Variants in REEP5 observed in about 807,000 individuals in gnomAD.
REEP5 encodes the protein receptor accessory protein 5, also known as receptor expression-enhancing protein 5.
Under a neutral mutation model 22.4 loss-of-function variants are expected in REEP5, and 24 were observed. The ratio of observed to expected loss-of-function variants is 1.07; its 90% CI spans 0.78 to 1.51. The LOEUF is 1.51. Ranked by LOEUF, REEP5 falls within the 40% of genes most tolerant of loss-of-function variation. The pLI, the probability that REEP5 is intolerant of heterozygous loss-of-function variation, is 0.00. For synonymous variants in REEP5, 103 were observed against 88.6 expected, an observed-to-expected ratio of 1.16 and a Z score of -0.92; for missense variants, 252 against 233.0, an observed-to-expected ratio of 1.08 and a Z score of -0.53.
chr5:112,881,546 T>C (rs953487436), intron 4 of REEP5, among the ~76,000 whole-genome samples: 2 of 152,208 alleles, frequency 1.3e-5, no homozygotes, highest in Non-Finnish European at 2.9e-5. Context: ...AGGACACTGC[T>C]TTCTCAAGTG....
intron 3 of REEP5, chr5:112,897,215 T>C (rs929457147): frequency 2.0e-5 from 3 of 152,158 alleles, no homozygotes; most frequent in Admixed American, 2.0e-4. Flanking sequence ...TACATATATA[T>C]ATACACATAC....
chr5:112,906,716 A>G (rs1319933348), intron 2 of REEP5, among the ~76,000 whole-genome samples: 1 of 152,142 alleles, frequency 6.6e-6, no homozygotes, highest in East Asian at 1.9e-4. Context: ...AAAAATATAC[A>G]CGCCTGGGTC....
intron 3 of REEP5, 91 bp from the exon 4 acceptor site, chr5:112,887,274 G>C: frequency 1.7e-6 from 2 of 1,202,902 alleles, no homozygotes; most frequent in Admixed American, 5.9e-5. Context: ...CTGGGGATGG[G>C]AGATGCCTCT....
chr5:112,909,106 C>T (rs1396160575), intron 2 of REEP5, among the ~76,000 whole-genome samples: 1 of 151,458 alleles, frequency 6.6e-6, no homozygotes, highest in Non-Finnish European at 1.5e-5. Flanking sequence ...CATTTCTTCT[C>T]AGTGCTTTTC....
At chr5:112,886,121 T>C (rs939352893) in intron 4 of REEP5, among the ~76,000 whole-genome samples, 4 of 152,222 alleles carry the variant, frequency 2.6e-5, no homozygotes, top group Non-Finnish European at 4.4e-5. Context: ...TCCAATACTG[T>C]TGCTCTTTTC....
intron 3 of REEP5, chr5:112,894,804 G>C (rs960006710): frequency 2.0e-5 from 3 of 152,122 alleles, no homozygotes; most frequent in Non-Finnish European, 4.4e-5. Flanking sequence ...ACTTAAAATA[G>C]TGGAAAATAA....
chr5:112,921,860 C>T (rs1425825204), intron 1 of REEP5: 8 of 489,032 alleles, frequency 1.6e-5, no homozygotes, highest in Non-Finnish European at 2.1e-5. Context: ...CGCAGCTGCC[C>T]TCCAGCCCCG....
At chr5:112,892,199 G>T in intron 3 of REEP5, 1 of 1,614,206 alleles carries the variant, frequency 6.2e-7, no homozygotes. Flanking sequence ...GGAGCTTGCA[G>T]ATTTGGAGAC....
chr5:112,921,843 C>A, intron 1 of REEP5: 1 of 425,320 alleles, frequency 2.4e-6, no homozygotes, highest in South Asian at 3.2e-5. Context: ...CTGCCAGCGC[C>A]CGGCGCCGCA....
In REEP5 at chr5:112,918,247, A is replaced by G. The variant is rs188584983; in HGVS notation, c.212+2916T>C. Reference sequence around the variant, plus strand: ...GGGAAATTATGCACACGGAAAGAACAACCAGTAGGAAGAGGGGTATACAAT... The same window carrying G: ...GGGAAATTATGCACACGGAAAGAACGACCAGTAGGAAGAGGGGTATACAAT... On this transcript the variant is annotated intron_variant, in intron 2 of 4. Transcript: ENST00000379638. Among the ~76,000 whole-genome samples the G allele has an allele frequency of 5.3e-5, 8 of 152,284 alleles. No individual in the cohort carries two copies. In the East Asian group the frequency reaches 1.4e-3, roughly 26 times the overall value.
At chr5:112,891,822 A>G (rs1768463412) in intron 3 of REEP5, 1 of 1,584,162 alleles carries the variant, frequency 6.3e-7, no homozygotes, top group East Asian at 2.2e-5. Context: ...TTGAAGAACA[A>G]CAACTAGAAG....
chr5:112,892,008 G>A, intron 3 of REEP5: 1 of 1,287,150 alleles, frequency 7.8e-7, no homozygotes, highest in South Asian at 1.2e-5. Flanking sequence ...AGAGGAAAGA[G>A]AGAGAAGAGG....
intron 3 of REEP5, among the ~76,000 whole-genome samples, chr5:112,901,986 G>C (rs1478205663): frequency 6.7e-6 from 1 of 148,156 alleles, no homozygotes; most frequent in Non-Finnish European, 1.5e-5. Flanking sequence ...AAAAAAAAAA[G>C]GCTAAGACCA....
At chr5:112,888,885 CAT>C (rs1370018066) in intron 3 of REEP5, among the ~76,000 whole-genome samples, 1 of 150,726 alleles carries the variant, frequency 6.6e-6, no homozygotes, top group African/African-American at 2.5e-5. Context: ...CCATAATTCT[CAT>C]GTGTTGTGGA....
chr5:112,878,610 C>A lies in REEP5; in HGVS notation c.*176G>T. The A allele has an allele frequency of 1.1e-6, 1 of 925,394 alleles. No individual in the cohort carries two copies. The highest frequency in any genetic ancestry group is 1.6e-6 in the Non-Finnish European group (1 of 631,160). 57.3% of individuals were successfully genotyped at this position (925,394 alleles called of 1,614,324 possible). On this transcript the variant is annotated 3_prime_UTR_variant, in exon 5 of 5. Coordinates refer to ENST00000379638, the MANE Select transcript of REEP5 (RefSeq NM_005669.5). ...CACTGCATTAAGTTTAAAGTGCTCC[C>A]TATATATATAGACAGTAAAAGTAAG... is the stretch of plus-strand genomic sequence containing the variant.
intron 3 of REEP5, among the ~76,000 whole-genome samples, chr5:112,901,834 G>A (rs1768854741): frequency 6.6e-6 from 1 of 151,162 alleles, no homozygotes; most frequent in South Asian, 2.1e-4. Context: ...ATGGTGGTGG[G>A]CGCCTGTAAT....
At chr5:112,889,269 A>G (rs1181850380) in intron 3 of REEP5, among the ~76,000 whole-genome samples, 3 of 150,898 alleles carry the variant, frequency 2.0e-5, no homozygotes, top group African/African-American at 4.9e-5. Context: ...CTATAGGACT[A>G]AATTTTTTAT....
chr5:112,900,605 A>G (rs2150043623), intron 3 of REEP5, among the ~76,000 whole-genome samples: 1 of 151,934 alleles, frequency 6.6e-6, no homozygotes, highest in Non-Finnish European at 1.5e-5. Flanking sequence ...GTAGAAGGGG[A>G]CTGTACAGTG....
chr5:112,879,918 C>T (rs1326693113), intron 4 of REEP5, among the ~76,000 whole-genome samples: 4 of 151,782 alleles, frequency 2.6e-5, no homozygotes, highest in African/African-American at 9.7e-5. Context: ...CCCCCACCCC[C>T]CACCTCTATT....
Sources: gnomAD v4.1 joint callset for allele counts (sites outside exome capture counted in the v4.1 genomes callset) on GRCh38, gnomAD v4.1.1 for gene constraint, MANE v1.5 for transcripts, NCBI Gene and HGNC (gene_info 2026-07-23, HGNC 2026-07-21) for gene names.